The following GRXCR1 variants were observed in gnomAD, a reference collection of about 807,000 sequenced individuals.
GRXCR1 encodes the protein glutaredoxin domain-containing cysteine-rich protein 1.
Under a neutral mutation model 27.3 loss-of-function variants are expected in GRXCR1, and 27 were observed. The ratio of observed to expected loss-of-function variants is 0.99; its 90% CI spans 0.73 to 1.37. The LOEUF is 1.37. GRXCR1 is among the 40% of genes most tolerant of loss of function. The pLI is 0.00. For missense variants in GRXCR1, 379 were observed against 354.4 expected, an observed-to-expected ratio of 1.07 and a Z score of -0.56; for synonymous variants, 122 against 131.1, an observed-to-expected ratio of 0.93 and a Z score of 0.47.
rs1748164778 is a variant in GRXCR1, at chr4:42,963,115, T to C, written c.608T>C (p.Ile203Thr). ...GCTCCTTCCCTCCCTGTTGTGTTCA[T>C]TGATGGCCATTACCTTGGGGTAAGT... The part of the protein sequence containing the change: ...SEAPSLPVVF[I>T]DGHYLGGAEK... The change falls in exon 2 of 4, where the codon ATT becomes ACT. Residue 203 changes from isoleucine (I) to threonine (T), a missense_variant. Transcript: ENST00000399770. The C allele has an allele frequency of 1.2e-6, 2 of 1,612,630 alleles. No individual in the cohort carries two copies. Among genetic ancestry groups the C allele is most frequent in the African/African-American group, 2.7e-5 (2 of 74,840 alleles).
chr4:43,002,612 C>T (rs932655414), intron 2 of GRXCR1, among the ~76,000 whole-genome samples: 1 of 152,150 alleles, frequency 6.6e-6, no homozygotes, highest in Non-Finnish European at 1.5e-5. Flanking sequence ...TATGTCTTCC[C>T]TTTCTACATA....
At chr4:42,963,438 T>C (rs1748173545) in intron 2 of GRXCR1, among the ~76,000 whole-genome samples, 1 of 150,346 alleles carries the variant, frequency 6.7e-6, no homozygotes, top group Non-Finnish European at 1.5e-5. Context: ...GGATAAAGAC[T>C]GTATTTTTAG....
chr4:42,983,077 A>T lies in GRXCR1; in HGVS notation c.627+19943A>T, dbSNP rs1157649747. Among the ~76,000 whole-genome samples the T allele has an allele frequency of 7.3e-4, 110 of 151,332 alleles. 1 individual carries two copies. In the East Asian group the frequency reaches 0.019, roughly 27 times the overall value. The stretch of plus-strand genomic sequence containing the variant: ...TAGTTTAATTAGATCCCATTTGTCA[A>T]TTTTGGCTTTTGTTGCCATTGCTTT... On this transcript the variant is annotated intron_variant, in intron 2 of 3. Coordinates refer to ENST00000399770, the MANE Select transcript of GRXCR1 (RefSeq NM_001080476.3).
intron 1 of GRXCR1, 57 bp downstream of exon 1, chr4:42,893,707 C>T (rs896599444): frequency 4.6e-6 from 7 of 1,517,140 alleles, no homozygotes; most frequent in Non-Finnish European, 6.4e-6. Context: ...CATCTGAACA[C>T]CTCTCAGTTC....
At chr4:42,934,630 T>C (rs890368992) in intron 1 of GRXCR1, among the ~76,000 whole-genome samples, 1 of 151,960 alleles carries the variant, frequency 6.6e-6, no homozygotes, top group Non-Finnish European at 1.5e-5. Context: ...ATAGAGTGCT[T>C]TTTAAAACGT....
intron 3 of GRXCR1, among the ~76,000 whole-genome samples, chr4:43,028,891 G>A (rs1713336941): frequency 1.3e-5 from 2 of 152,074 alleles, no homozygotes; most frequent in East Asian, 3.9e-4. Context: ...AAAATTAATT[G>A]TTTGTTTTAT....
At chr4:43,025,223 C>T (rs912317628) in intron 3 of GRXCR1, among the ~76,000 whole-genome samples, 21 of 152,126 alleles carry the variant, frequency 1.4e-4, no homozygotes, top group Admixed American at 1.4e-3. Flanking sequence ...TTGTTAGAGA[C>T]ACAATACATT....
chr4:42,937,276 TTTTTA>T (rs1368014959), intron 1 of GRXCR1, among the ~76,000 whole-genome samples: 1 of 128 alleles, frequency 7.8e-3, no homozygotes, highest in Non-Finnish European at 0.025. Flanking sequence ...ATTGAGGTCT[TTTTTA>T]TTTTTATTTT....
At chr4:42,907,503 A>C (rs4583798) in intron 1 of GRXCR1, among the ~76,000 whole-genome samples, 150,875 of 152,226 alleles carry the variant, frequency 0.99, 74,782 homozygotes, top group Middle Eastern at 1. Context: ...ACATGGTTGC[A>C]CTGTATTTTC....
intron 1 of GRXCR1, among the ~76,000 whole-genome samples, chr4:42,895,586 G>A (rs1169781911): frequency 6.6e-6 from 1 of 152,080 alleles, no homozygotes; most frequent in Middle Eastern, 3.2e-3. Flanking sequence ...ACTTGGATCA[G>A]GGCTGCTAGT....
At chr4:42,921,872 A>T (rs765948781) in intron 1 of GRXCR1, among the ~76,000 whole-genome samples, 1 of 152,064 alleles carries the variant, frequency 6.6e-6, no homozygotes, top group Non-Finnish European at 1.5e-5. Context: ...CATGCTGCCC[A>T]CCTTCCTTTT....
intron 2 of GRXCR1, among the ~76,000 whole-genome samples, chr4:42,973,525 G>A (rs1032230136): frequency 6.1e-5 from 9 of 148,520 alleles, no homozygotes; most frequent in South Asian, 2.1e-4. Context: ...TCCAGTATTC[G>A]TTTCTTATTC....
chr4:43,027,722 G>T (rs1183143019), intron 3 of GRXCR1, among the ~76,000 whole-genome samples: 1 of 152,126 alleles, frequency 6.6e-6, no homozygotes, highest in African/African-American at 2.4e-5. Flanking sequence ...CAAGTGTCTT[G>T]GGTCATAGCA....
intron 2 of GRXCR1, among the ~76,000 whole-genome samples, chr4:43,006,873 G>C (rs923914618): frequency 6.6e-6 from 1 of 151,934 alleles, no homozygotes; most frequent in African/African-American, 2.4e-5. Context: ...TGTCTCCCCC[G>C]GACACCCAGC....
At chr4:43,002,936 T>C (rs943946643) in intron 2 of GRXCR1, among the ~76,000 whole-genome samples, 1 of 152,172 alleles carries the variant, frequency 6.6e-6, no homozygotes, top group African/African-American at 2.4e-5. Context: ...TGGGAGCTGA[T>C]TGGATCATGA....
intron 2 of GRXCR1, among the ~76,000 whole-genome samples, chr4:42,972,052 ATGTCTGGCT>A (rs1461279361): frequency 2.0e-5 from 3 of 152,122 alleles, no homozygotes; most frequent in Admixed American, 6.5e-5. Context: ...GTGAGCCACC[ATGTCTGGCT>A]AATTTTTAAA....
intron 2 of GRXCR1, among the ~76,000 whole-genome samples, chr4:43,015,209 T>TG (rs988626820): frequency 1.3e-5 from 2 of 152,128 alleles, no homozygotes; most frequent in Non-Finnish European, 2.9e-5. Flanking sequence ...AGAATATTGG[T>TG]GCAATCAAAT....
intron 2 of GRXCR1, among the ~76,000 whole-genome samples, chr4:42,980,121 T>C (rs1386316368): frequency 1.3e-5 from 2 of 151,988 alleles, no homozygotes; most frequent in African/African-American, 2.4e-5. Context: ...TGTTGATTTA[T>C]TTTTGTCTCT....
Position 43,008,421 on chromosome 4 carries a change from T to C in GRXCR1, c.628-11933T>C, listed in dbSNP as rs116641011. The stretch of plus-strand genomic sequence containing the variant: ...GTCAGAAGTTCTTTATAGCACAAGT[T>C]TGCCTTTACAAGTGGCACAAGCAAA... On this transcript the variant is annotated intron_variant, in intron 2 of 3. Transcript: ENST00000399770. 4.4e-3 allele frequency among the ~76,000 whole-genome samples: 677 copies of C among 152,304 alleles called. 4 individuals carry two copies. The highest frequency in any genetic ancestry group is 0.015 in the African/African-American group (642 of 41,566).
Sources: gnomAD v4.1 joint callset for allele counts (sites outside exome capture counted in the v4.1 genomes callset) on GRCh38, gnomAD v4.1.1 for gene constraint, MANE v1.5 for transcripts, NCBI Gene and HGNC (gene_info 2026-07-23, HGNC 2026-07-21) for gene names.